Variants in PCDHA13 observed in about 807,000 individuals in gnomAD.
The protein encoded by PCDHA13 is protocadherin alpha-13.
PCDHA13 carries 54 observed loss-of-function variants against 64.8 expected under a neutral mutation model. The observed-to-expected ratio is 0.83, with a 90% CI of 0.67 to 1.04. The LOEUF (loss-of-function observed/expected upper bound fraction) is 1.04, where lower values mean the gene tolerates loss of function less well. PCDHA13 is among the 50% of genes least tolerant of loss of function. The probability of loss-of-function intolerance (pLI) is 0.00; values close to 1 mark genes in which losing one functional copy is unlikely to be tolerated. For missense variants in PCDHA13, 1,248 were observed against 1,254.3 expected (o/e 0.99, Z 0.08); for synonymous variants, 587 against 564.4 (o/e 1.04, Z -0.57).
chr5:140,948,709 CT>C (rs144736017), intron 1 of PCDHA13, among the ~76,000 whole-genome samples: 2,043 of 151,408 alleles, frequency 0.013, 38 homozygotes, highest in African/African-American at 0.047. Context: ...GTGTTCTATC[CT>C]CTTTTTTATC....
intron 1 of PCDHA13, among the ~76,000 whole-genome samples, chr5:140,933,690 T>A (rs1382967033): frequency 1.3e-5 from 2 of 152,048 alleles, no homozygotes; most frequent in Non-Finnish European, 2.9e-5. Flanking sequence ...TTTTTCCTAT[T>A]CCTCGGACAC....
At chr5:140,934,952 C>T (rs1007494400) in intron 1 of PCDHA13, among the ~76,000 whole-genome samples, 22 of 152,218 alleles carry the variant, frequency 1.4e-4, no homozygotes, top group African/African-American at 5.1e-4. Flanking sequence ...AGAGAGATCC[C>T]ATGTGCTTGT....
At chr5:140,914,393 C>A (rs1338816793) in intron 1 of PCDHA13, among the ~76,000 whole-genome samples, 1 of 152,080 alleles carries the variant, frequency 6.6e-6, no homozygotes, top group Non-Finnish European at 1.5e-5. Context: ...AGTGTAGTTA[C>A]CCCTGCTCCT....
At chr5:140,973,697 C>G (rs1474916406) in intron 1 of PCDHA13, among the ~76,000 whole-genome samples, 1 of 152,226 alleles carries the variant, frequency 6.6e-6, no homozygotes, top group Non-Finnish European at 1.5e-5. Context: ...CTGTTTCCTT[C>G]TGACCCAGGA....
At chr5:140,926,301 C>T (rs1554203262) in intron 1 of PCDHA13, 1 of 152,336 alleles carries the variant, frequency 6.6e-6, no homozygotes, top group Non-Finnish European at 1.5e-5. Flanking sequence ...GTCCCGCCCT[C>T]TCCGCCGGAG....
chr5:140,941,251 CTTTCTCTT>C (rs1456097006), intron 1 of PCDHA13, among the ~76,000 whole-genome samples: 2 of 121,786 alleles, frequency 1.6e-5, no homozygotes, highest in Non-Finnish European at 3.5e-5. Context: ...TTCTTTCTTT[CTTTCTCTT>C]TCTTTCTTTC....
intron 1 of PCDHA13, among the ~76,000 whole-genome samples, chr5:140,950,430 A>T (rs1312660380): frequency 6.6e-6 from 1 of 151,876 alleles, no homozygotes; most frequent in Admixed American, 6.6e-5. Context: ...TCTTCCACTT[A>T]AAAAAAATGT....
At chr5:140,910,428 G>A (rs2075029085) in intron 1 of PCDHA13, among the ~76,000 whole-genome samples, 1 of 152,130 alleles carries the variant, frequency 6.6e-6, no homozygotes, top group Admixed American at 6.5e-5. Flanking sequence ...TATTCCCATT[G>A]CATTTAAGTT....
chr5:140,927,582 G>A lies in PCDHA13; in HGVS notation c.2394+42920G>A, dbSNP rs1554204771. On this transcript the variant is annotated intron_variant, in intron 1 of 3. Transcript: ENST00000289272. ...TTGTGGTGGACACAAATGACAACGCGCCTGTATTTGAGCGCTCCGTATACC... is the reference window on the plus strand; with the variant it reads ...TTGTGGTGGACACAAATGACAACGCACCTGTATTTGAGCGCTCCGTATACC... 3.7e-6 allele frequency: 6 copies of A among 1,614,174 alleles called. No individual in the cohort carries two copies. In the East Asian group the frequency reaches 1.1e-4, roughly 30 times the overall value.
At chr5:141,005,436 G>T (rs1554260042) in intron 3 of PCDHA13, among the ~76,000 whole-genome samples, 2 of 152,080 alleles carry the variant, frequency 1.3e-5, no homozygotes, top group East Asian at 1.9e-4. Flanking sequence ...TGGATGAGAG[G>T]CTCACGCCTG....
At chr5:141,000,854 G>A (rs2097968530) in intron 3 of PCDHA13, among the ~76,000 whole-genome samples, 1 of 152,010 alleles carries the variant, frequency 6.6e-6, no homozygotes, top group Non-Finnish European at 1.5e-5. Flanking sequence ...CTGGCAGTCA[G>A]CCATGACCTC....
chr5:140,968,553 G>T (rs782583876), intron 1 of PCDHA13: 1 of 1,614,132 alleles, frequency 6.2e-7, no homozygotes. Context: ...ATGGTGCCTC[G>T]AACTGCCCCT....
chr5:140,937,493 C>T (rs1158473278), intron 1 of PCDHA13, among the ~76,000 whole-genome samples: 3 of 152,020 alleles, frequency 2.0e-5, no homozygotes, highest in Non-Finnish European at 2.9e-5. Flanking sequence ...GGCACATACC[C>T]GTAATCCCAG....
At chr5:141,000,183 A>G (rs2097895175) in intron 3 of PCDHA13, among the ~76,000 whole-genome samples, 1 of 151,898 alleles carries the variant, frequency 6.6e-6, no homozygotes, top group Non-Finnish European at 1.5e-5. Context: ...CAAGGAGTCA[A>G]TGTGAGAATA....
chr5:140,932,991 C>T (rs2088784414), intron 1 of PCDHA13, among the ~76,000 whole-genome samples: 1 of 151,940 alleles, frequency 6.6e-6, no homozygotes, highest in African/African-American at 2.4e-5. Context: ...AAATGCATGT[C>T]ATATGAATAT....
intron 3 of PCDHA13, among the ~76,000 whole-genome samples, chr5:140,985,932 G>A (rs1554247524): frequency 6.6e-6 from 1 of 151,798 alleles, no homozygotes; most frequent in African/African-American, 2.4e-5. Flanking sequence ...GTAGAGCCGG[G>A]GTTTCACTGT....
At chr5:140,959,506 A>G (rs1554224114) in intron 1 of PCDHA13, among the ~76,000 whole-genome samples, 6 of 152,226 alleles carry the variant, frequency 3.9e-5, no homozygotes. Flanking sequence ...AAACTAAAAA[A>G]TTTTAAGATC....
intron 1 of PCDHA13, chr5:140,969,102 T>C: frequency 1.2e-6 from 2 of 1,614,114 alleles, no homozygotes; most frequent in African/African-American, 1.3e-5. Flanking sequence ...CCTCACTTCA[T>C]TGAAGTTCGA....
At chr5:141,008,435 G>C (rs2098377041) in intron 3 of PCDHA13, among the ~76,000 whole-genome samples, 1 of 152,160 alleles carries the variant, frequency 6.6e-6, no homozygotes, top group South Asian at 2.1e-4. Context: ...ACTTTGCCCA[G>C]ACAGACCATT....
Sources: gnomAD v4.1 joint callset for allele counts (sites outside exome capture counted in the v4.1 genomes callset) on GRCh38, gnomAD v4.1.1 for gene constraint, MANE v1.5 for transcripts, NCBI Gene and HGNC (gene_info 2026-07-23, HGNC 2026-07-21) for gene names.